Variants in GSG1L observed in about 807,000 individuals in gnomAD.
GSG1L encodes GSG1 like.
GSG1L carries 24 observed loss-of-function variants against 42.1 expected under a neutral mutation model. The observed-to-expected ratio is 0.57, with a 90% CI of 0.41 to 0.80. The LOEUF (loss-of-function observed/expected upper bound fraction) is 0.80, where lower values mean the gene tolerates loss of function less well. GSG1L is among the 30% of genes least tolerant of loss of function. The probability of loss-of-function intolerance (pLI) is 0.00; values close to 1 mark genes in which losing one functional copy is unlikely to be tolerated. For missense variants in GSG1L, 445 were observed against 472.2 expected, an observed-to-expected ratio of 0.94 and a Z score of 0.53; for synonymous variants, 215 against 203.5, an observed-to-expected ratio of 1.06 and a Z score of -0.48.
At chr16:27,888,470 CTCTCTCT>C (rs2084066392) in intron 2 of GSG1L, among the ~76,000 whole-genome samples, 1 of 53,002 alleles carries the variant, frequency 1.9e-5, no homozygotes, top group Non-Finnish European at 4.0e-5. Context: ...CTTTCTCTCT[CTCTCTCT>C]CTTTCCTTTC....
At chr16:27,935,765 C>G (rs935290139) in intron 2 of GSG1L, among the ~76,000 whole-genome samples, 1 of 151,100 alleles carries the variant, frequency 6.6e-6, no homozygotes, top group Non-Finnish European at 1.5e-5. Context: ...GCTCCCTGGT[C>G]CTCAGTGTGC....
At chr16:27,847,572 C>A (rs1476185952) in intron 3 of GSG1L, among the ~76,000 whole-genome samples, 1 of 152,228 alleles carries the variant, frequency 6.6e-6, no homozygotes, top group African/African-American at 2.4e-5. Flanking sequence ...AAAGAGAGAG[C>A]CGAGCTTCCA....
At position 27,873,244 on chromosome 16, in the gene GSG1L, A is replaced by G. The variant is rs1484008121; in HGVS notation, c.550+11242T>C. 3.3e-5 allele frequency among the ~76,000 whole-genome samples: 5 copies of G among 152,336 alleles called. No individual in the cohort carries two copies. The East Asian group carries it at 9.6e-4, about 29-fold the overall frequency. On this transcript the variant is annotated intron_variant, in intron 3 of 6. Transcript: ENST00000447459. ...GTTTTTTGCAACTCATCTGGTCACAATACCTGACTTGGCCTGAACTTCTTT... is the reference window on the plus strand; with the variant it reads ...GTTTTTTGCAACTCATCTGGTCACAGTACCTGACTTGGCCTGAACTTCTTT...
chr16:28,046,890 C>T (rs970871789), intron 1 of GSG1L, among the ~76,000 whole-genome samples: 5 of 152,218 alleles, frequency 3.3e-5, no homozygotes, highest in African/African-American at 1.2e-4. Context: ...CACTCAGATG[C>T]CACCTGCTCA....
intron 3 of GSG1L, among the ~76,000 whole-genome samples, chr16:27,875,023 C>T (rs190200496): frequency 1.3e-5 from 2 of 152,292 alleles, no homozygotes; most frequent in East Asian, 1.9e-4. Context: ...CAGAATCCCC[C>T]CCTTGTCTTG....
intron 2 of GSG1L, among the ~76,000 whole-genome samples, chr16:27,958,309 G>A (rs1365170702): frequency 6.6e-6 from 1 of 151,340 alleles, no homozygotes. Context: ...GAAGGCTGAG[G>A]TAGGAGAATT....
intron 1 of GSG1L, among the ~76,000 whole-genome samples, chr16:27,973,691 A>G (rs1276671062): frequency 1.3e-5 from 2 of 152,118 alleles, no homozygotes; most frequent in Non-Finnish European, 2.9e-5. Flanking sequence ...CACTCACTGC[A>G]CGTGTAACAT....
At chr16:27,887,944 C>G in intron 2 of GSG1L, 1 of 249,032 alleles carries the variant, frequency 4.0e-6, no homozygotes, top group Non-Finnish European at 6.4e-6. Context: ...CCCAGCCCTT[C>G]GCTGGCCCAA....
chr16:27,810,401 C>T (rs1280232286), intron 5 of GSG1L, among the ~76,000 whole-genome samples: 2 of 152,158 alleles, frequency 1.3e-5, no homozygotes, highest in African/African-American at 4.8e-5. Context: ...GCCCAGGAGA[C>T]AGAGGCTACG....
chr16:28,062,671 G>A (rs1165140128), intron 1 of GSG1L, among the ~76,000 whole-genome samples: 1 of 152,174 alleles, frequency 6.6e-6, no homozygotes, highest in African/African-American at 2.4e-5. Flanking sequence ...GCGTTCCGGG[G>A]TGGGTGGGGG....
At chr16:28,026,501 A>G in intron 1 of GSG1L, among the ~76,000 whole-genome samples, 1 of 152,168 alleles carries the variant, frequency 6.6e-6, no homozygotes, top group East Asian at 1.9e-4. Flanking sequence ...CTGCCAGAAC[A>G]GAGTCCTAAC....
intron 2 of GSG1L, among the ~76,000 whole-genome samples, chr16:27,934,466 C>A (rs1054215518): frequency 6.6e-6 from 1 of 152,054 alleles, no homozygotes; most frequent in Non-Finnish European, 1.5e-5. Context: ...ACCTGGGAGG[C>A]GGAGGTTGCA....
intron 6 of GSG1L, among the ~76,000 whole-genome samples, chr16:27,801,262 A>G (rs527517553): frequency 2.0e-5 from 3 of 152,330 alleles, no homozygotes; most frequent in African/African-American, 7.2e-5. Context: ...CTAATTGCCA[A>G]GCTGAGTTTT....
intron 3 of GSG1L, among the ~76,000 whole-genome samples, chr16:27,861,411 A>G (rs2083649993): frequency 6.6e-6 from 1 of 152,136 alleles, no homozygotes; most frequent in South Asian, 2.1e-4. Flanking sequence ...AGAAAGGGCC[A>G]GTGGGAGTGT....
intron 5 of GSG1L, among the ~76,000 whole-genome samples, chr16:27,828,027 ACCTATCCAC>A (rs968040393): frequency 8.7e-4 from 119 of 137,108 alleles, no homozygotes; most frequent in African/African-American, 3.2e-3. Context: ...CCGTCCACCT[ACCTATCCAC>A]CCTATCCACC....
At chr16:28,003,568 G>A (rs919173429) in intron 1 of GSG1L, among the ~76,000 whole-genome samples, 1 of 152,232 alleles carries the variant, frequency 6.6e-6, no homozygotes, top group Non-Finnish European at 1.5e-5. Flanking sequence ...CAGCATGGCC[G>A]GGTAAATCAT....
At chr16:28,061,419 T>C (rs2086339205) in intron 1 of GSG1L, among the ~76,000 whole-genome samples, 1 of 152,102 alleles carries the variant, frequency 6.6e-6, no homozygotes, top group African/African-American at 2.4e-5. Flanking sequence ...TCAAACACCA[T>C]GTATCTCTGA....
At chr16:27,970,042 T>G (rs12933235) in intron 1 of GSG1L, among the ~76,000 whole-genome samples, 40,316 of 151,896 alleles carry the variant, frequency 0.27, 5,641 homozygotes, top group East Asian at 0.48. Context: ...TTTGCCCACT[T>G]TTTAATTGTG....
chr16:27,906,046 C>G (rs763037644), intron 2 of GSG1L, among the ~76,000 whole-genome samples: 38 of 152,098 alleles, frequency 2.5e-4, no homozygotes, highest in Non-Finnish European at 5.0e-4. Context: ...ATCAGAGAAT[C>G]CACGGGAATA....
Sources: gnomAD v4.1 joint callset for allele counts (sites outside exome capture counted in the v4.1 genomes callset) on GRCh38, gnomAD v4.1.1 for gene constraint, MANE v1.5 for transcripts, NCBI Gene and HGNC (gene_info 2026-07-23, HGNC 2026-07-21) for gene names.